The following ROBO3 variants were observed in gnomAD, a reference collection of about 807,000 sequenced individuals.
The protein encoded by ROBO3 is roundabout homolog 3.
A neutral mutation model predicts 160.5 loss-of-function variants in ROBO3; 97 were observed. The ratio of observed to expected loss-of-function variants is 0.60; its 90% confidence interval spans 0.51 to 0.72. ROBO3 has a LOEUF of 0.72. ROBO3 is among the 30% of genes least tolerant of loss of function. The pLI is 0.00. For synonymous variants in ROBO3, 780 were observed against 746.2 expected, an observed-to-expected ratio of 1.05 and a Z score of -0.74; for missense variants, 1,858 against 1,846.5, an observed-to-expected ratio of 1.01 and a Z score of -0.11.
At position 124,878,024 on chromosome 11, in the gene ROBO3, C is replaced by G; in HGVS notation, c.3074C>G (p.Ala1025Gly). 1 of 1,612,044 alleles carries G rather than the reference C, an allele frequency of 6.2e-7. No individual in the cohort carries two copies. The highest frequency in any genetic ancestry group is 8.5e-7 in the Non-Finnish European group (1 of 1,179,018). The change falls in exon 21 of 28, where the codon GCG (alanine) becomes GGG (glycine). Residue 1025 changes from alanine to glycine, a missense_variant. By Grantham distance (60) the Ala-to-Gly change is moderately conservative. Transcript: ENST00000397801. The surrounding 1 kb of genome is among the most constrained non-coding windows in gnomAD (Gnocchi z 4.3). ...CCTGTCTATAGCACCATTGACCCAG[C>G]GGGGGAGGAGCTGCAGACCTTCCAT... is the stretch of plus-strand genomic sequence containing the variant. The part of the protein sequence containing the change: ...EGPVYSTIDP[A>G]GEELQTFHGG...
intron 17 of ROBO3, 142 bp from the exon 18 acceptor site, chr11:124,877,019 A>G: frequency 1.1e-6 from 1 of 951,726 alleles, no homozygotes; most frequent in East Asian, 2.4e-5. Flanking sequence ...CCCACCCCCG[A>G]GAAATTCTGA....
chr11:124,875,205 C>T lies in ROBO3; in HGVS notation c.2168C>T (p.Ser723Phe), dbSNP rs757593376. The change falls in exon 14 of 28, where the codon TCC becomes TTC. Residue 723 changes from serine to phenylalanine, a missense_variant. Coordinates refer to ENST00000397801, the MANE Select transcript of ROBO3 (RefSeq NM_022370.4). ...AGCTGGACAATGTTGGACCTACAGT[C>T]CCCAAGCCAGCAAAGTACTGTGCTA... ...GGSWTMLDLQ[S>F]PSQQSTVLRG... 6.2e-7 allele frequency: 1 copy of T among 1,613,820 alleles called. No homozygotes were observed. Among genetic ancestry groups the T allele is most frequent in the Non-Finnish European group, 8.5e-7 (1 of 1,179,842 alleles).
In ROBO3 at chr11:124,876,529, C is replaced by G. The variant is rs951756918; in HGVS notation, c.2779+69C>G. ...GGCGGCCCATGGGGAGGGGCAGGGG[C>G]TTAGCCGCTGGCGAGTGAGGACCGG... On this transcript the variant is annotated intron_variant, in intron 17 of 27. Transcript: ENST00000397801. This position sits in a 1 kb window ranked among gnomAD's most constrained non-coding sequence, Gnocchi z 5.3. 8 of 1,277,212 alleles carry G rather than the reference C, an allele frequency of 6.3e-6. No homozygotes were observed. The highest frequency in any genetic ancestry group is 8.0e-6 in the Non-Finnish European group (8 of 994,186). 79.1% of individuals were successfully genotyped at this position (1,277,212 alleles called of 1,614,324 possible). A position where few individuals can be genotyped will look rare whatever the true frequency, so the allele number is the denominator to read the frequency against.
Position 124,878,128 on chromosome 11 carries a change from A to G in ROBO3, c.3178A>G (p.Ser1060Gly). ...YAPPEWSQGDSGAKGGKVKLL... is the reference protein window; with the variant it reads ...YAPPEWSQGDGGAKGGKVKLL... ...TCCTCCAGAGTGGAGCCAGGGGGACAGTGGTATGACTCCAACTCCTGAAAC... is the reference window on the plus strand; with the variant it reads ...TCCTCCAGAGTGGAGCCAGGGGGACGGTGGTATGACTCCAACTCCTGAAAC... Residue 1060 changes from serine to glycine, a missense_variant, in exon 21 of 28, where the codon AGT (serine) becomes GGT (glycine). Physicochemically the swap from Ser to Gly is moderately conservative, Grantham distance 56. Transcript: ENST00000397801. This position sits in a 1 kb window ranked among gnomAD's most constrained non-coding sequence, Gnocchi z 4.3. 6.2e-7 allele frequency: 1 copy of G among 1,603,934 alleles called. No individual in the cohort carries two copies. The highest frequency in any genetic ancestry group is 8.5e-7 in the Non-Finnish European group (1 of 1,175,876).
chr11:124,873,775 A>G lies in ROBO3; in HGVS notation c.1697A>G (p.Glu566Gly). The change falls in exon 11 of 28, where the codon GAG (glutamate) becomes GGG (glycine). Residue 566 changes from glutamate (E) to glycine (G), a missense_variant. Physicochemically the swap from Glu to Gly is moderately conservative, Grantham distance 98. Coordinates refer to ENST00000397801, the MANE Select transcript of ROBO3 (RefSeq NM_022370.4). The surrounding 1 kb of genome is among the most constrained non-coding windows in gnomAD (Gnocchi z 4.5). Reference protein sequence around the residue: ...PGAPSQPVVTEITKNSITLTW... With the variant: ...PGAPSQPVVTGITKNSITLTW... ...GCTCCCTCTCAGCCAGTGGTCACTG[A>G]GATCACCAAGAACAGCATTACCCTG... The G allele has an allele frequency of 1.2e-6, 2 of 1,613,918 alleles. No individual in the cohort carries two copies. Among genetic ancestry groups the G allele is most frequent in the Non-Finnish European group, 8.5e-7 (1 of 1,179,840 alleles).
In ROBO3 at chr11:124,878,048, A is replaced by C. The variant is rs532499376; in HGVS notation, c.3098A>C (p.His1033Pro). Reference protein sequence around the residue: ...DPAGEELQTFHGGFPQHPSGD... With the variant: ...DPAGEELQTFPGGFPQHPSGD... ...GCGGGGGAGGAGCTGCAGACCTTCC[A>C]TGGGGGCTTCCCCCAACATCCCTCA... is the stretch of plus-strand genomic sequence containing the variant. Residue 1033 changes from histidine to proline, a missense_variant, in exon 21 of 28, where the codon CAT (histidine) becomes CCT (proline). Physicochemically the swap from His to Pro is moderately conservative, Grantham distance 77. Coordinates refer to ENST00000397801, the MANE Select transcript of ROBO3 (RefSeq NM_022370.4). This position sits in a 1 kb window ranked among gnomAD's most constrained non-coding sequence, Gnocchi z 4.3. 3 of 1,612,680 alleles carry C rather than the reference A, an allele frequency of 1.9e-6. No homozygotes were observed. The highest frequency in any genetic ancestry group is 4.5e-5 in the East Asian group (2 of 44,850).
chr11:124,879,414 TTC>T, intron 24 of ROBO3, 49 bp from the exon 25 acceptor site: 1 of 1,607,582 alleles, frequency 6.2e-7, no homozygotes, highest in Non-Finnish European at 8.5e-7. Context: ...TTAGGCCTTT[TTC>T]CTGATTTTTG....
chr11:124,871,087 G>A lies in ROBO3; in HGVS notation c.1107G>A (p.Glu369=). ...APGESVAFQC[E]TKGNPPPAIF... ...GAGAGAGCGTGGCTTTCCAGTGCGA[G>A]ACCAAAGGAAACCCCCCACCTGCCA... Residue 369 remains glutamate, a synonymous_variant, in exon 7 of 28, where the codon GAG becomes GAA. Transcript: ENST00000397801. The A allele has an allele frequency of 1.2e-6, 2 of 1,613,734 alleles. No individual in the cohort carries two copies. The highest frequency in any genetic ancestry group is 1.3e-5 in the African/African-American group (1 of 75,042).
rs1238496916 is a variant in ROBO3 at position 124,879,221 on chromosome 11, A to G, written c.3565A>G (p.Ser1189Gly). Residue 1189 changes from serine (S) to glycine (G), a missense_variant, in exon 24 of 28, where the codon AGT (serine) becomes GGT (glycine). Coordinates refer to ENST00000397801, the MANE Select transcript of ROBO3 (RefSeq NM_022370.4). The part of the protein sequence containing the change: ...RVPLGPSSPL[S>G]VSQPMLGIRE... ...GCCCCTTGGGCCGAGTTCCCCTCTC[A>G]GTGTATCCCAGCCCATGCTGGGCAT... 1 of 1,554,002 alleles carries G rather than the reference A, an allele frequency of 6.4e-7. No homozygotes were observed. The highest frequency in any genetic ancestry group is 8.7e-7 in the Non-Finnish European group (1 of 1,148,398).
Position 124,865,619 on chromosome 11 carries a change from G to T in ROBO3, c.42G>T (p.Leu14Phe). The T allele has an allele frequency of 6.2e-7, 1 of 1,612,984 alleles. No individual in the cohort carries two copies. The highest frequency in any genetic ancestry group is 1.1e-5 in the South Asian group (1 of 90,894). ...YLLKTLLQMN[L>F]FADSLAGDIS... ...TGAAAACGCTGCTGCAGATGAACTT[G>T]TTCGCGGACTCTCTGGCCGGGGACA... is the stretch of plus-strand genomic sequence containing the variant. The change falls in exon 1 of 28, where the codon TTG becomes TTT. Residue 14 changes from leucine to phenylalanine, a missense_variant. Transcript: ENST00000397801. The surrounding 1 kb of genome is among the most constrained non-coding windows in gnomAD (Gnocchi z 5.5).
chr11:124,874,815 A>G lies in ROBO3; in HGVS notation c.1979A>G (p.Asp660Gly). ...AGCAGCCCCTCTAGGCCAGTGGAGG[A>G]CCCATGGAGAGGCCAGCAGGGACTG... ...QDSSPSRPVE[D>G]PWRGQQGLAE... Residue 660 changes from aspartate to glycine, a missense_variant, in exon 13 of 28, where the codon GAC (aspartate) becomes GGC (glycine). By Grantham distance (94) the Asp-to-Gly change is moderately conservative. Transcript: ENST00000397801. 7 of 1,605,632 alleles carry G rather than the reference A, an allele frequency of 4.4e-6. No individual in the cohort carries two copies. Among genetic ancestry groups the G allele is most frequent in the Non-Finnish European group, 6.0e-6 (7 of 1,176,226 alleles).
In ROBO3 at chr11:124,867,218, T is replaced by G. The variant is rs560013714; in HGVS notation, c.160+1481T>G. ...GGTAGAATTTGATTCAGGTAGAGAC[T>G]GTAGGAGCCAAGATAAGGTGCATAT... On this transcript the variant is annotated intron_variant, in intron 1 of 27. Coordinates refer to ENST00000397801, the MANE Select transcript of ROBO3 (RefSeq NM_022370.4). Among the ~76,000 whole-genome samples the G allele has an allele frequency of 1.2e-4, 18 of 152,252 alleles. No individual in the cohort carries two copies. The South Asian group carries it at 3.5e-3, about 30-fold the overall frequency.
At chr11:124,877,353 G>T (rs777843747) in intron 19 of ROBO3, 44 bp downstream of exon 19, 20 of 1,611,468 alleles carry the variant, frequency 1.2e-5, no homozygotes, top group Non-Finnish European at 1.4e-5. Context: ...TCCACCGACA[G>T]GCCACTCTTC....
Position 124,879,608 on chromosome 11 carries a change from G to A in ROBO3, c.3796+33G>A, listed in dbSNP as rs77492220. ...GGGATGCACCTGGGAGATGGTGACA[G>A]TAGTGGCGGGGGGATAGGCAGGAAA... is the stretch of plus-strand genomic sequence containing the variant. On this transcript the variant is annotated intron_variant, in intron 25 of 27. Transcript: ENST00000397801. 3.0e-5 allele frequency: 47 copies of A among 1,575,994 alleles called. No individual in the cohort carries two copies. The East Asian group carries it at 1.0e-3, about 33-fold the overall frequency.
chr11:124,879,402 C>G, intron 24 of ROBO3, 61 bp downstream of exon 24: 3 of 1,608,068 alleles, frequency 1.9e-6, no homozygotes, highest in Non-Finnish European at 1.7e-6. Context: ...TCCCCTTCAC[C>G]CTTAGGCCTT....
At position 124,868,789 on chromosome 11, in the gene ROBO3, C is replaced by T. The variant is rs769088952; in HGVS notation, c.161-13C>T. ...TCCCTGTCTGAACGCTCTGCGCCAC[C>T]CCCTGTCCCCAGGGTCAAGGGTAGG... On this transcript the variant is annotated splice_polypyrimidine_tract_variant and intron_variant, in intron 1 of 27. Transcript: ENST00000397801. 1.9e-6 allele frequency: 3 copies of T among 1,599,480 alleles called. No individual in the cohort carries two copies. Among genetic ancestry groups the T allele is most frequent in the Middle Eastern group, 1.7e-4 (1 of 6,046 alleles).
chr11:124,870,239 G>A lies in ROBO3; in HGVS notation c.841G>A (p.Val281Met). The change falls in exon 5 of 28, where the codon GTG becomes ATG. Residue 281 changes from valine to methionine, a missense_variant. Val to Met is a conservative substitution (Grantham distance 21, BLOSUM62 1). Coordinates refer to ENST00000397801, the MANE Select transcript of ROBO3 (RefSeq NM_022370.4). ...ADAPVTFLCEVKGDPPPRLRW... is the reference protein window; with the variant it reads ...ADAPVTFLCEMKGDPPPRLRW... ...TGCCCCTGTGACTTTCCTATGTGAGGTGAAGGGGGATCCCCCACCTCGTCT... is the reference window on the plus strand; with the variant it reads ...TGCCCCTGTGACTTTCCTATGTGAGATGAAGGGGGATCCCCCACCTCGTCT... 1 of 1,614,038 alleles carries A rather than the reference G, an allele frequency of 6.2e-7. No homozygotes were observed. The highest frequency in any genetic ancestry group is 1.1e-5 in the South Asian group (1 of 91,090).
At position 124,873,476 on chromosome 11, in the gene ROBO3, G is replaced by C; in HGVS notation, c.1618+85G>C. 1 of 1,227,466 alleles carries C rather than the reference G, an allele frequency of 8.1e-7. No homozygotes were observed. Among genetic ancestry groups the C allele is most frequent in the Non-Finnish European group, 1.2e-6 (1 of 852,848 alleles). 76.0% of individuals were successfully genotyped at this position (1,227,466 alleles called of 1,614,324 possible). On this transcript the variant is annotated intron_variant, in intron 10 of 27. Transcript: ENST00000397801. This position sits in a 1 kb window ranked among gnomAD's most constrained non-coding sequence, Gnocchi z 4.5. ...GGTAGTCGATACCTCCTCAAACTCC[G>C]GGATTAACTTTATGTCACAAATGCC...
chr11:124,875,742 A>G lies in ROBO3; in HGVS notation c.2421+57A>G, dbSNP rs991072315. On this transcript the variant is annotated intron_variant, in intron 15 of 27. Transcript: ENST00000397801. ...GGCCAGGCCGGGAGGGAGAGGGAGG[A>G]CCTAGTGGCTAGAATTAGGGTGGAG... 144 of 1,553,490 alleles carry G rather than the reference A, an allele frequency of 9.3e-5. No individual in the cohort carries two copies. The East Asian group carries it at 3.0e-3, about 33-fold the overall frequency.
Sources: gnomAD v4.1 joint callset for allele counts (sites outside exome capture counted in the v4.1 genomes callset) on GRCh38, gnomAD v4.1.1 for gene constraint, Gnocchi (gnomAD v3.1) non-coding constraint, MANE v1.5 for transcripts, NCBI Gene and HGNC (gene_info 2026-07-23, HGNC 2026-07-21) for gene names.